The following TSPEAR variants were observed in gnomAD, a reference collection of about 807,000 sequenced individuals.
TSPEAR encodes the protein thrombospondin-type laminin G domain and EAR repeat-containing protein.
A neutral mutation model predicts 71.6 loss-of-function variants in TSPEAR; 69 were observed. The observed-to-expected ratio is 0.96, with a 90% CI of 0.79 to 1.18. The LOEUF is 1.18. Ranked by LOEUF, TSPEAR falls within the 50% of genes most tolerant of loss-of-function variation. The pLI is 0.00. For missense variants in TSPEAR, 971 were observed against 894.9 expected, an observed-to-expected ratio of 1.09 and a Z score of -1.09; for synonymous variants, 402 against 387.2, an observed-to-expected ratio of 1.04 and a Z score of -0.45.
rs587648340 is a variant in TSPEAR at position 44,558,887 on chromosome 21, T to G, written c.303+8898A>C. The stretch of plus-strand genomic sequence containing the variant: ...TTCGAGAAGCCTTCCTCTTCCTTGT[T>G]GTTGTTGTAGGCACTGTTGTGTTAG... On this transcript the variant is annotated intron_variant, in intron 2 of 11. Coordinates refer to ENST00000323084, the MANE Select transcript of TSPEAR (RefSeq NM_144991.3). 557 of 860,432 alleles carry G rather than the reference T, an allele frequency of 6.5e-4. 3 individuals carry two copies. Among genetic ancestry groups the G allele is most frequent in the South Asian group, 1.6e-3 (88 of 54,804 alleles). 53.3% of individuals were successfully genotyped at this position (860,432 alleles called of 1,614,324 possible).
At chr21:44,613,049 C>A in intron 1 of TSPEAR, 1 of 987,428 alleles carries the variant, frequency 1.0e-6, no homozygotes, top group Non-Finnish European at 1.5e-6. Context: ...CCTCCATCCT[C>A]ACTGCTCCCC....
chr21:44,649,988 G>A (rs1984679809), intron 1 of TSPEAR, among the ~76,000 whole-genome samples: 1 of 152,170 alleles, frequency 6.6e-6, no homozygotes, highest in South Asian at 2.1e-4. Flanking sequence ...GTGGGAGGCC[G>A]AGGAGGGAGG....
At chr21:44,504,207 C>T (rs2052131443) in intron 11 of TSPEAR, among the ~76,000 whole-genome samples, 1 of 127,940 alleles carries the variant, frequency 7.8e-6, no homozygotes. Flanking sequence ...GGAAGCAAGA[C>T]TCTGGGAGGA....
intron 1 of TSPEAR, among the ~76,000 whole-genome samples, chr21:44,700,802 C>T (rs1467277164): frequency 1.7e-4 from 26 of 152,230 alleles, no homozygotes; most frequent in Non-Finnish European, 1.5e-5. Flanking sequence ...AAAACAGTGG[C>T]TGACCTTCAG....
chr21:44,585,296 A>G (rs1364580808), intron 1 of TSPEAR, among the ~76,000 whole-genome samples: 2 of 152,166 alleles, frequency 1.3e-5, no homozygotes, highest in Non-Finnish European at 2.9e-5. Flanking sequence ...CATAACTTTA[A>G]TCTTCTTGTG....
At chr21:44,699,769 C>A (rs1987562540) in intron 1 of TSPEAR, among the ~76,000 whole-genome samples, 1 of 152,244 alleles carries the variant, frequency 6.6e-6, no homozygotes, top group African/African-American at 2.4e-5. Flanking sequence ...CTCCCCTGGG[C>A]TCCCAGCCAC....
rs587774186 is a variant in TSPEAR at position 44,503,701 on chromosome 21, G to A, written c.1856+1079C>T. On this transcript the variant is annotated intron_variant, in intron 11 of 11. Transcript: ENST00000323084. ...GGAAGCAAGGCTCTGGGAGGAAGCC[G>A]GCCTCGGTGAGCCCTCGGCGGGAAG... 3.6e-5 allele frequency among the ~76,000 whole-genome samples: 5 copies of A among 137,748 alleles called. No homozygotes were observed. In the East Asian group the frequency reaches 1.1e-3, roughly 31 times the overall value. The allele number at this position is 137,748 out of a possible 152,430, so 90.4% of individuals were successfully genotyped here.
At position 44,612,296 on chromosome 21, in the gene TSPEAR, T is replaced by C; in HGVS notation, c.83-44291A>G. ...CTCCAGCTGCTGTACCCCTAGCTGC[T>C]GTGCCCCAGCCCCCTGCCTGGCCCT... On this transcript the variant is annotated intron_variant, in intron 1 of 11. Transcript: ENST00000323084. This position sits in a 1 kb window ranked among gnomAD's most constrained non-coding sequence, Gnocchi z 4.1. The C allele has an allele frequency of 2.5e-6, 4 of 1,613,596 alleles. No homozygotes were observed. The highest frequency in any genetic ancestry group is 2.5e-6 in the Non-Finnish European group (3 of 1,179,996).
At position 44,650,074 on chromosome 21, in the gene TSPEAR, A is replaced by T. The variant is rs587723801; in HGVS notation, c.82+61359T>A. On this transcript the variant is annotated intron_variant, in intron 1 of 11. Transcript: ENST00000323084. Reference sequence around the variant, plus strand: ...CCATCTCCACAGAAAATACAATACAATTTAGCTGAACATGGTGGTGTGCAC... The same window carrying T: ...CCATCTCCACAGAAAATACAATACATTTTAGCTGAACATGGTGGTGTGCAC... Among the ~76,000 whole-genome samples the T allele has an allele frequency of 4.0e-4, 61 of 152,164 alleles. 1 individual carries two copies. Among genetic ancestry groups the T allele is most frequent in the African/African-American group, 1.4e-3 (58 of 41,534 alleles).
intron 1 of TSPEAR, chr21:44,627,806 A>T: frequency 1.2e-6 from 2 of 1,605,430 alleles, no homozygotes; most frequent in Non-Finnish European, 1.7e-6. Flanking sequence ...TGCTGCCAGC[A>T]GTCTGGCTGC....
chr21:44,708,631 G>T (rs1267453717), intron 1 of TSPEAR, among the ~76,000 whole-genome samples: 3 of 152,152 alleles, frequency 2.0e-5, no homozygotes, highest in Non-Finnish European at 2.9e-5. Context: ...CACACTGCCC[G>T]TCCCCAGGCC....
chr21:44,629,712 C>T (rs1330875765), intron 1 of TSPEAR, among the ~76,000 whole-genome samples: 1 of 152,324 alleles, frequency 6.6e-6, no homozygotes, highest in Non-Finnish European at 1.5e-5. Context: ...ACACGACCCT[C>T]GGGGAAATTC....
intron 1 of TSPEAR, among the ~76,000 whole-genome samples, chr21:44,639,594 G>C (rs1983904225): frequency 6.6e-6 from 1 of 152,170 alleles, no homozygotes; most frequent in Non-Finnish European, 1.5e-5. Context: ...TCCAGGGACA[G>C]AGATGTTTGT....
intron 1 of TSPEAR, among the ~76,000 whole-genome samples, chr21:44,596,317 C>G (rs1980367361): frequency 6.6e-6 from 1 of 152,226 alleles, no homozygotes; most frequent in South Asian, 2.1e-4. Context: ...GGATCATGCA[C>G]ATCCCATCAC....
At chr21:44,636,877 C>T (rs1418081645) in intron 1 of TSPEAR, among the ~76,000 whole-genome samples, 3 of 152,222 alleles carry the variant, frequency 2.0e-5, no homozygotes, top group Non-Finnish European at 4.4e-5. Context: ...TCCCTGTCCT[C>T]CTGCCCTTGG....
intron 1 of TSPEAR, among the ~76,000 whole-genome samples, chr21:44,614,795 C>T (rs587638076): frequency 1.3e-5 from 2 of 152,322 alleles, no homozygotes; most frequent in South Asian, 2.1e-4. Context: ...AAGGAAGCCA[C>T]GGTGTGTGAG....
At chr21:44,637,169 C>A (rs1353169964) in intron 1 of TSPEAR, among the ~76,000 whole-genome samples, 1 of 152,184 alleles carries the variant, frequency 6.6e-6, no homozygotes, top group African/African-American at 2.4e-5. Context: ...GGGCGCCGGT[C>A]CTGCCCAGGA....
At chr21:44,553,235 T>C (rs114683652) in intron 2 of TSPEAR, among the ~76,000 whole-genome samples, 2 of 151,570 alleles carry the variant, frequency 1.3e-5, no homozygotes, top group African/African-American at 4.9e-5. Flanking sequence ...AGCAGAGAGG[T>C]TGAGCAATCT....
rs587598996 is a variant in TSPEAR at position 44,511,234 on chromosome 21, A to C, written c.1567-1848T>G. ...TGTACACATGCCTGCACACACCTGC[A>C]CACACAGGCCCATACCTGCACACCT... On this transcript the variant is annotated intron_variant, in intron 9 of 11. Coordinates refer to ENST00000323084, the MANE Select transcript of TSPEAR (RefSeq NM_144991.3). Among the ~76,000 whole-genome samples the C allele has an allele frequency of 3.2e-4, 49 of 151,890 alleles. No individual in the cohort carries two copies. The South Asian group carries it at 9.1e-3, about 28-fold the overall frequency.
Sources: allele counts gnomAD v4.1 joint callset (sites outside exome capture counted in the v4.1 genomes callset), GRCh38; gene constraint gnomAD v4.1.1; non-coding constraint Gnocchi (gnomAD v3.1); transcripts MANE v1.5; gene names NCBI Gene and HGNC (gene_info 2026-07-23, HGNC 2026-07-21).